The following PPP3CA variants were observed in gnomAD, a reference collection of about 807,000 sequenced individuals.
PPP3CA encodes the protein protein phosphatase 3 catalytic subunit alpha, also known as CAM-PRP catalytic subunit.
Under a neutral mutation model 66.5 loss-of-function variants are expected in PPP3CA, and 14 were observed. The observed-to-expected ratio is 0.21, with a 90% CI of 0.14 to 0.33. PPP3CA has a LOEUF of 0.33. Among genes scored for constraint, PPP3CA ranks in the 10% least tolerant of loss-of-function variants. The pLI, the probability that PPP3CA is intolerant of heterozygous loss-of-function variation, is 1.00. For missense variants in PPP3CA, 317 were observed against 639.5 expected (o/e 0.50, Z 5.44); for synonymous variants, 232 against 226.2 (o/e 1.03, Z -0.23).
At chr4:101,235,279 G>T (rs2110227905) in intron 1 of PPP3CA, among the ~76,000 whole-genome samples, 1 of 151,882 alleles carries the variant, frequency 6.6e-6, no homozygotes, top group South Asian at 2.1e-4. Context: ...AAGGAGAATA[G>T]CTTTTTAAGG....
chr4:101,207,007 T>A (rs758215629), intron 1 of PPP3CA, among the ~76,000 whole-genome samples: 17 of 152,058 alleles, frequency 1.1e-4, no homozygotes, highest in Non-Finnish European at 2.1e-4. Context: ...ACAGATGTGA[T>A]CAAAAGTGAG....
At chr4:101,163,858 T>C (rs192936052) in intron 2 of PPP3CA, among the ~76,000 whole-genome samples, 2 of 152,204 alleles carry the variant, frequency 1.3e-5, no homozygotes, top group Admixed American at 1.3e-4. Context: ...TCAGGCACTA[T>C]ACTGAGGTTT....
At chr4:101,071,591 C>A (rs1022809606) in intron 8 of PPP3CA, among the ~76,000 whole-genome samples, 1 of 152,130 alleles carries the variant, frequency 6.6e-6, no homozygotes, top group South Asian at 2.1e-4. Context: ...CAACGGAATT[C>A]AATACTTTAA....
chr4:101,050,554 G>A (rs560681400), intron 10 of PPP3CA, among the ~76,000 whole-genome samples: 13 of 152,128 alleles, frequency 8.5e-5, no homozygotes, highest in Admixed American at 2.6e-4. Context: ...TATAATCCTC[G>A]CAACAACCAC....
intron 1 of PPP3CA, among the ~76,000 whole-genome samples, chr4:101,241,519 TTTTA>T (rs1726309183): frequency 6.6e-6 from 1 of 152,112 alleles, no homozygotes; most frequent in South Asian, 2.1e-4. Context: ...ATTCCAATCA[TTTTA>T]TTTTATATTT....
chr4:101,127,445 G>A (rs1364477796), intron 2 of PPP3CA, among the ~76,000 whole-genome samples: 1 of 152,024 alleles, frequency 6.6e-6, no homozygotes, highest in Non-Finnish European at 1.5e-5. Flanking sequence ...CTTGAACACA[G>A]GCAGAATCAG....
intron 1 of PPP3CA, among the ~76,000 whole-genome samples, chr4:101,237,586 T>C (rs1219173275): frequency 6.6e-6 from 1 of 152,038 alleles, no homozygotes; most frequent in African/African-American, 2.4e-5. Context: ...CTGGCTTTCA[T>C]AATATCATGC....
At chr4:101,051,265 A>T (rs984939776) in intron 10 of PPP3CA, among the ~76,000 whole-genome samples, 1 of 152,134 alleles carries the variant, frequency 6.6e-6, no homozygotes, top group Non-Finnish European at 1.5e-5. Flanking sequence ...TTAAAATTTA[A>T]ATTTTGTGGA....
At chr4:101,098,321 A>T (rs370017879) in intron 5 of PPP3CA, 46 bp downstream of exon 5, 2 of 1,525,448 alleles carry the variant, frequency 1.3e-6, no homozygotes, top group Non-Finnish European at 1.8e-6. Flanking sequence ...TCTATTTATT[A>T]CTGTAGCGCA....
At chr4:101,317,561 A>G (rs1048185445) in intron 1 of PPP3CA, among the ~76,000 whole-genome samples, 2 of 152,212 alleles carry the variant, frequency 1.3e-5, no homozygotes, top group Admixed American at 6.5e-5. Flanking sequence ...AAGAGGCTCG[A>G]AATTAAACAC....
intron 2 of PPP3CA, among the ~76,000 whole-genome samples, chr4:101,183,418 C>CT (rs1288878485): frequency 1.3e-5 from 2 of 152,052 alleles, no homozygotes; most frequent in African/African-American, 4.8e-5. Flanking sequence ...ATAGAGGAAA[C>CT]TAAGAAATTT....
chr4:101,130,144 G>T (rs1027918182), intron 2 of PPP3CA, among the ~76,000 whole-genome samples: 3 of 151,742 alleles, frequency 2.0e-5, no homozygotes, highest in Non-Finnish European at 4.4e-5. Context: ...CGGAAGAAAG[G>T]ATATCAGAGA....
At chr4:101,106,387 A>AAG (rs1730683304) in intron 3 of PPP3CA, among the ~76,000 whole-genome samples, 1 of 4,972 alleles carries the variant, frequency 2.0e-4, no homozygotes, top group Non-Finnish European at 4.7e-4. Flanking sequence ...GAAAGAAAGA[A>AAG]AGAAAGAAAG....
At chr4:101,034,464 T>C (rs1009776575) in intron 11 of PPP3CA, among the ~76,000 whole-genome samples, 7 of 152,138 alleles carry the variant, frequency 4.6e-5, no homozygotes, top group African/African-American at 1.7e-4. Context: ...ATTTCTGGTC[T>C]CCTGTCCACT....
intron 1 of PPP3CA, among the ~76,000 whole-genome samples, chr4:101,320,709 T>G (rs1410735632): frequency 1.3e-5 from 2 of 152,168 alleles, no homozygotes; most frequent in Non-Finnish European, 2.9e-5. Context: ...TGTTTCAATG[T>G]ATAATTAAGC....
intron 1 of PPP3CA, among the ~76,000 whole-genome samples, chr4:101,266,462 A>G (rs1727172729): frequency 6.6e-6 from 1 of 152,210 alleles, no homozygotes; most frequent in East Asian, 1.9e-4. Context: ...CTACATTATA[A>G]AAATCAGTTA....
At chr4:101,209,087 C>T (rs1725225620) in intron 1 of PPP3CA, among the ~76,000 whole-genome samples, 1 of 151,932 alleles carries the variant, frequency 6.6e-6, no homozygotes, top group African/African-American at 2.4e-5. Flanking sequence ...TTCAATAGCT[C>T]ATGATTTTTG....
At chr4:101,276,021 C>A (rs1053684203) in intron 1 of PPP3CA, among the ~76,000 whole-genome samples, 1 of 151,598 alleles carries the variant, frequency 6.6e-6, no homozygotes, top group East Asian at 1.9e-4. Flanking sequence ...CAGCCTCCTG[C>A]GTAGCTGGGA....
In PPP3CA at chr4:101,079,881, A is replaced by C. The variant is rs562309947; in HGVS notation, c.955+651T>G. ...CTTTCAGGCATGGAGTTTCAGAAAA[A>C]AGGCACAGGACACTGAACCAGAAGT... is the stretch of plus-strand genomic sequence containing the variant. On this transcript the variant is annotated intron_variant, in intron 8 of 13. Coordinates refer to ENST00000394854, the MANE Select transcript of PPP3CA (RefSeq NM_000944.5). Among the ~76,000 whole-genome samples, 7 of 152,296 alleles carry C rather than the reference A, an allele frequency of 4.6e-5. No individual in the cohort carries two copies. The South Asian group carries it at 1.5e-3, about 32-fold the overall frequency.
Sources: gnomAD v4.1 joint callset for allele counts (sites outside exome capture counted in the v4.1 genomes callset) on GRCh38, gnomAD v4.1.1 for gene constraint, MANE v1.5 for transcripts, NCBI Gene and HGNC (gene_info 2026-07-23, HGNC 2026-07-21) for gene names.